Variants in CSMD1 observed in about 807,000 individuals in gnomAD.
CSMD1 encodes CUB and Sushi multiple domains 1.
In CSMD1, 213 loss-of-function variants were observed where a neutral mutation model predicts 417.5. The observed-to-expected ratio is 0.51, with a 90% CI of 0.46 to 0.57. The LOEUF is 0.57. Among genes scored for constraint, CSMD1 ranks in the 20% least tolerant of loss-of-function variants. The pLI, the probability that CSMD1 is intolerant of heterozygous loss-of-function variation, is 0.00. For synonymous variants in CSMD1, 2,862 were observed against 1,736.8 expected, an observed-to-expected ratio of 1.65 and a Z score of -16.11; for missense variants, 6,923 against 4,529.7, an observed-to-expected ratio of 1.53 and a Z score of -15.17.
In CSMD1 at chr8:3,018,643, C is replaced by G. The variant is rs182425997; in HGVS notation, c.7863G>C (p.Ser2621=). The part of the protein sequence containing the change: ...GDERPSCRVI[S]CGSLSFPPNG... ...TTGGGGGAAAGGAAAGGCTTCCACA[C>G]GAGATAACTAGAAGGAAAAACAATA... The change falls in exon 52 of 70, where the codon TCG becomes TCC. Residue 2621 remains serine, a synonymous_variant. Transcript: ENST00000635120. 22 of 1,611,502 alleles carry G rather than the reference C, an allele frequency of 1.4e-5. No individual in the cohort carries two copies. The highest frequency in any genetic ancestry group is 1.0e-4 in the Admixed American group (6 of 59,854).
chr8:3,303,823 G>A (rs1263926398), intron 25 of CSMD1, among the ~76,000 whole-genome samples: 2 of 152,196 alleles, frequency 1.3e-5, no homozygotes, highest in African/African-American at 4.8e-5. Flanking sequence ...TTTCTACAAT[G>A]TCTTGTGATT....
chr8:3,103,447 A>G (rs935803359), intron 46 of CSMD1, among the ~76,000 whole-genome samples: 2 of 152,116 alleles, frequency 1.3e-5, no homozygotes, highest in African/African-American at 4.8e-5. Flanking sequence ...ATGAGACTGT[A>G]CTGAAGACTG....
intron 1 of CSMD1, among the ~76,000 whole-genome samples, chr8:4,766,292 C>A (rs1316358347): frequency 6.6e-6 from 1 of 152,100 alleles, no homozygotes; most frequent in Non-Finnish European, 1.5e-5. Flanking sequence ...TGCTAGTTAC[C>A]TTTTTCATTC....
intron 4 of CSMD1, among the ~76,000 whole-genome samples, chr8:4,000,432 G>C (rs1367491546): frequency 2.6e-5 from 4 of 152,216 alleles, no homozygotes; most frequent in Non-Finnish European, 4.4e-5. Flanking sequence ...ATAAAAATAA[G>C]AGGAAGAACA....
At chr8:3,630,862 C>G (rs934999408) in intron 7 of CSMD1, among the ~76,000 whole-genome samples, 1 of 152,150 alleles carries the variant, frequency 6.6e-6, no homozygotes, top group Non-Finnish European at 1.5e-5. Context: ...AAGAGGAAAC[C>G]TCAGTTGGTC....
intron 3 of CSMD1, among the ~76,000 whole-genome samples, chr8:4,250,186 TC>T (rs1171192500): frequency 1.3e-5 from 2 of 152,192 alleles, no homozygotes; most frequent in South Asian, 4.1e-4. Flanking sequence ...ACATTTCTTT[TC>T]TTTACAAAGT....
At chr8:3,979,299 T>C (rs1175945814) in intron 5 of CSMD1, among the ~76,000 whole-genome samples, 3 of 152,178 alleles carry the variant, frequency 2.0e-5, no homozygotes, top group Non-Finnish European at 4.4e-5. Context: ...GTTCTGGATG[T>C]AGTAACAGAG....
At chr8:4,595,847 C>A (rs145450522) in intron 2 of CSMD1, among the ~76,000 whole-genome samples, 2 of 152,304 alleles carry the variant, frequency 1.3e-5, no homozygotes, top group South Asian at 2.1e-4. Context: ...GACACTGACA[C>A]GTCTACATGG....
intron 50 of CSMD1, among the ~76,000 whole-genome samples, chr8:3,043,055 T>C (rs1428864100): frequency 1.3e-5 from 2 of 151,320 alleles, no homozygotes; most frequent in Non-Finnish European, 2.9e-5. Flanking sequence ...GGATTATATG[T>C]ATATATAGTA....
chr8:3,348,242 G>C (rs1185065591), intron 21 of CSMD1, 81 bp from the exon 22 acceptor site: 5 of 965,798 alleles, frequency 5.2e-6, no homozygotes, highest in Non-Finnish European at 7.8e-6. Flanking sequence ...TTAAAATCAT[G>C]ATAGCCTCCT....
At chr8:4,417,365 G>C (rs181960173) in intron 3 of CSMD1, among the ~76,000 whole-genome samples, 262 of 152,070 alleles carry the variant, frequency 1.7e-3, no homozygotes, top group African/African-American at 5.3e-3. Context: ...CAACAGTTGA[G>C]TTTGGTGTCC....
At chr8:4,830,771 G>C (rs1800104080) in intron 1 of CSMD1, among the ~76,000 whole-genome samples, 2 of 152,154 alleles carry the variant, frequency 1.3e-5, no homozygotes, top group South Asian at 4.1e-4. Context: ...TATAAGCATA[G>C]GTCATTCCAG....
intron 1 of CSMD1, among the ~76,000 whole-genome samples, chr8:4,922,677 G>A (rs934862785): frequency 6.6e-6 from 1 of 152,122 alleles, no homozygotes; most frequent in South Asian, 2.1e-4. Context: ...AAATTTCTGA[G>A]AGCCCCTGCA....
chr8:3,959,084 TAAC>T (rs1812154436), intron 5 of CSMD1, among the ~76,000 whole-genome samples: 1 of 152,198 alleles, frequency 6.6e-6, no homozygotes, highest in Non-Finnish European at 1.5e-5. Context: ...GCTCAGCTCT[TAAC>T]AACGCCTCTG....
At chr8:4,631,101 A>G (rs545109684) in intron 2 of CSMD1, among the ~76,000 whole-genome samples, 1 of 152,220 alleles carries the variant, frequency 6.6e-6, no homozygotes, top group South Asian at 2.1e-4. Context: ...GGTGGCTCAC[A>G]CCTGTAATCC....
At chr8:3,436,283 A>C (rs1027851874) in intron 12 of CSMD1, among the ~76,000 whole-genome samples, 11 of 152,228 alleles carry the variant, frequency 7.2e-5, no homozygotes, top group African/African-American at 2.7e-4. Flanking sequence ...AGTAAGATAC[A>C]TCCCATATCA....
At chr8:4,432,893 G>A (rs1022745902) in intron 2 of CSMD1, among the ~76,000 whole-genome samples, 1 of 152,150 alleles carries the variant, frequency 6.6e-6, no homozygotes, top group African/African-American at 2.4e-5. Flanking sequence ...GCCCATCAAG[G>A]GGTGAGCAGC....
chr8:3,367,308 G>T, intron 19 of CSMD1, 61 bp from the exon 20 acceptor site: 1 of 1,050,642 alleles, frequency 9.5e-7, no homozygotes, highest in Non-Finnish European at 1.4e-6. Context: ...GGCGGCGGGG[G>T]CAGAGAGGGA....
intron 41 of CSMD1, among the ~76,000 whole-genome samples, chr8:3,136,242 C>G (rs984189277): frequency 6.6e-6 from 1 of 151,366 alleles, no homozygotes; most frequent in Non-Finnish European, 1.5e-5. Flanking sequence ...GACAACCAAG[C>G]CTTTTTTTTT....
Sources: gnomAD v4.1 joint callset for allele counts (sites outside exome capture counted in the v4.1 genomes callset) on GRCh38, gnomAD v4.1.1 for gene constraint, MANE v1.5 for transcripts, NCBI Gene and HGNC (gene_info 2026-07-23, HGNC 2026-07-21) for gene names.